The following NELFA variants were observed in gnomAD, a reference collection of about 807,000 sequenced individuals.
NELFA encodes negative elongation factor A.
NELFA carries 35 observed loss-of-function variants against 51.8 expected under a neutral mutation model. That is an observed-to-expected ratio of 0.68 (90% CI 0.52 to 0.90). The LOEUF is 0.90. NELFA is among the 40% of genes least tolerant of loss of function. The pLI, the probability that NELFA is intolerant of heterozygous loss-of-function variation, is 0.00. For missense variants in NELFA, 658 were observed against 746.4 expected (o/e 0.88, Z 1.38); for synonymous variants, 417 against 338.4 (o/e 1.23, Z -2.55).
intron 1 of NELFA, chr4:1,992,132 C>T (rs1577619842): frequency 9.0e-6 from 2 of 221,100 alleles, no homozygotes; most frequent in Non-Finnish European, 1.8e-5. Flanking sequence ...CACAGCAGAG[C>T]GCAGGAGCAG....
At chr4:1,983,773 C>T in intron 9 of NELFA, 75 bp downstream of exon 9, 8 of 1,595,534 alleles carry the variant, frequency 5.0e-6, no homozygotes, top group Non-Finnish European at 6.8e-6. Flanking sequence ...CACCGTGGCA[C>T]CCCCACGCTA....
Position 1,984,871 on chromosome 4 carries a change from G to T in NELFA, c.973C>A (p.Leu325Ile). ...GGAACCACGCTGGGCGTGGAGGGAA[G>T]GTAGCTCGTGGAGGGCAGCGCAGGC... ...NEPALPSTSY[L>I]PSTPSVVPAS... Residue 325 changes from leucine to isoleucine, a missense_variant, in exon 8 of 11, where the codon CTT becomes ATT. By Grantham distance (5) the Leu-to-Ile change is conservative. Around this residue, in one of 3 missense-constraint regions of NELFA, gnomAD observed 200 missense variants for 167.9 expected, o/e 1.19. Transcript: ENST00000382882. The T allele has an allele frequency of 6.3e-7, 1 of 1,581,296 alleles. No homozygotes were observed. Among genetic ancestry groups the T allele is most frequent in the Non-Finnish European group, 8.6e-7 (1 of 1,162,940 alleles).
chr4:1,994,125 T>A (rs1334178307), intron 1 of NELFA, among the ~76,000 whole-genome samples: 1 of 152,028 alleles, frequency 6.6e-6, no homozygotes, highest in Non-Finnish European at 1.5e-5. Flanking sequence ...TAGGGCCGGG[T>A]ATAGTGGCTC....
intron 4 of NELFA, chr4:1,987,578 C>T: frequency 3.8e-6 from 1 of 262,748 alleles, no homozygotes. Context: ...CCACCGGTGC[C>T]AACAGCAGAG....
At position 1,986,813 on chromosome 4, in the gene NELFA, AC is replaced by A. The variant is rs1728118227; in HGVS notation, c.635-412del. On this transcript the variant is annotated intron_variant, in intron 4 of 10. Coordinates refer to ENST00000382882, the MANE Select transcript of NELFA (RefSeq NM_005663.5). ...ACTCCTGAGGCCTACCTACGCTGTT[AC>A]CCACCAGCGCCCACACGCACCCTCC... Among the ~76,000 whole-genome samples, 3 of 152,136 alleles carry A rather than the reference AC, an allele frequency of 2.0e-5. No individual in the cohort carries two copies. The South Asian group carries it at 6.2e-4, about 32-fold the overall frequency.
At chr4:1,990,292 C>A in intron 2 of NELFA, 1 of 420,226 alleles carries the variant, frequency 2.4e-6, no homozygotes. Context: ...TCTCCTGGAA[C>A]CCTGGCCCTC....
intron 1 of NELFA, chr4:2,007,221 C>A: frequency 3.0e-6 from 1 of 333,216 alleles, no homozygotes; most frequent in Non-Finnish European, 6.4e-6. Context: ...AAAACACAAA[C>A]ACAAAAACAA....
chr4:1,984,576 G>A (rs1728021831), intron 8 of NELFA, among the ~76,000 whole-genome samples: 1 of 152,230 alleles, frequency 6.6e-6, no homozygotes, highest in Non-Finnish European at 1.5e-5. Context: ...CGTGTCCCCT[G>A]GGGCCGCTGC....
chr4:1,987,998 G>A lies in NELFA; in HGVS notation c.554C>T (p.Thr185Ile), dbSNP rs1002923440. 2 of 1,610,358 alleles carry A rather than the reference G, an allele frequency of 1.2e-6. No homozygotes were observed. Among genetic ancestry groups the A allele is most frequent in the Non-Finnish European group, 1.7e-6 (2 of 1,179,684 alleles). Reference protein sequence around the residue: ...RAELLQKSTETAQQLKRSAGV... With the variant: ...RAELLQKSTEIAQQLKRSAGV... Reference sequence around the variant, plus strand: ...GGCGCTCCGCTTCAACTGCTGGGCGGTCTCCGTGGCTGGAAGGAAGAGGTC... The same window carrying A: ...GGCGCTCCGCTTCAACTGCTGGGCGATCTCCGTGGCTGGAAGGAAGAGGTC... The change falls in exon 4 of 11, where the codon ACC becomes ATC. Residue 185 changes from threonine to isoleucine, a missense_variant. Coordinates refer to ENST00000382882, the MANE Select transcript of NELFA (RefSeq NM_005663.5).
chr4:2,008,759 CGTGCGGCGCGGGAG>C lies in NELFA; in HGVS notation c.187_200del (p.Leu63GlyfsTer40). 1 of 1,609,286 alleles carries C rather than the reference CGTGCGGCGCGGGAG, an allele frequency of 6.2e-7. No individual in the cohort carries two copies. The highest frequency in any genetic ancestry group is 1.1e-5 in the South Asian group (1 of 90,150). ...GCCACGCCTGCCTTACCTCGTCCACCGTGCGGCGCGGGAGGTGCAGCGTCCCGAGTAGCAACTTG... is the reference window on the plus strand; with the variant it reads ...GCCACGCCTGCCTTACCTCGTCCACCGTGCAGCGTCCCGAGTAGCAACTTG... On this transcript the variant is annotated frameshift_variant, in exon 1 of 11. Coordinates refer to ENST00000382882, the MANE Select transcript of NELFA (RefSeq NM_005663.5). LOFTEE classifies it high-confidence loss of function.
intron 1 of NELFA, among the ~76,000 whole-genome samples, chr4:1,994,634 T>C (rs1010427200): frequency 2.7e-5 from 4 of 150,726 alleles, no homozygotes; most frequent in Non-Finnish European, 4.4e-5. Context: ...GGTGGGCGGA[T>C]CACAAGGTCA....
In NELFA at chr4:1,985,839, G is replaced by A. The variant is rs1250814326; in HGVS notation, c.861C>T (p.Ala287=). The change falls in exon 7 of 11, where the codon GCC becomes GCT. Residue 287 remains alanine, a synonymous_variant. Transcript: ENST00000382882. ...TLDAEVVEKP[A]KEETVVENAT... ...CGTTCTCCACCACCGTTTCCTCCTTGGCCGGCTTCTCCACCACCTCCGCAT... is the reference window on the plus strand; with the variant it reads ...CGTTCTCCACCACCGTTTCCTCCTTAGCCGGCTTCTCCACCACCTCCGCAT... 6.2e-7 allele frequency: 1 copy of A among 1,613,262 alleles called. No individual in the cohort carries two copies.
intron 1 of NELFA, among the ~76,000 whole-genome samples, chr4:2,003,659 A>G (rs753491255): frequency 3.1e-4 from 47 of 152,184 alleles, no homozygotes; most frequent in Non-Finnish European, 5.4e-4. Flanking sequence ...GTTCTCACTC[A>G]TAAGTGGCAG....
rs1170757157 is a variant in NELFA at position 1,989,116 on chromosome 4, T to C, written c.544+592A>G. On this transcript the variant is annotated intron_variant, in intron 3 of 10. Transcript: ENST00000382882. This position sits in a 1 kb window ranked among gnomAD's most constrained non-coding sequence, Gnocchi z 4.8. Reference sequence around the variant, plus strand: ...ATGCACCACCACAGCCAGCTAATTTTTGTATTTTTAGTAGAGACGGGGTTT... The same window carrying C: ...ATGCACCACCACAGCCAGCTAATTTCTGTATTTTTAGTAGAGACGGGGTTT... Among the ~76,000 whole-genome samples the C allele has an allele frequency of 2.6e-5, 4 of 152,044 alleles. No individual in the cohort carries two copies. Among genetic ancestry groups the C allele is most frequent in the Non-Finnish European group, 5.9e-5 (4 of 68,018 alleles).
Position 1,983,902 on chromosome 4 carries a change from G to A in NELFA, c.1248C>T (p.Ala416=). 3.1e-6 allele frequency: 5 copies of A among 1,602,768 alleles called. No individual in the cohort carries two copies. Among genetic ancestry groups the A allele is most frequent in the Non-Finnish European group, 4.3e-6 (5 of 1,174,308 alleles). ...TTQTPPVAMV[A]PQTQAPAQQQ... ...GCTGAGCAGGGGCCTGGGTCTGCGG[G>A]GCCACCATGGCAACCGGGGGTGTCT... The change falls in exon 9 of 11, where the codon GCC becomes GCT. Residue 416 remains alanine (A), a synonymous_variant. Coordinates refer to ENST00000382882, the MANE Select transcript of NELFA (RefSeq NM_005663.5).
intron 1 of NELFA, among the ~76,000 whole-genome samples, chr4:2,002,142 A>C (rs537431268): frequency 6.9e-6 from 1 of 145,970 alleles, no homozygotes; most frequent in Non-Finnish European, 1.5e-5. Context: ...GGAGCTTGCA[A>C]TGAGCCAAGA....
At chr4:1,988,045 A>T in intron 3 of NELFA, 38 bp from the exon 4 acceptor site, 1 of 1,563,414 alleles carries the variant, frequency 6.4e-7, no homozygotes, top group Non-Finnish European at 8.7e-7. Context: ...GGATCCTCAG[A>T]GCGAGAGCCC....
At chr4:1,987,869 T>C in intron 4 of NELFA, 49 bp downstream of exon 4, 4 of 1,500,450 alleles carry the variant, frequency 2.7e-6, no homozygotes, top group African/African-American at 2.7e-5. Context: ...GTGAAGCCCT[T>C]AGCTCTGCCC....
In NELFA at chr4:1,989,938, G is replaced by A. The variant is rs1465555864; in HGVS notation, c.383-69C>T. 1.3e-5 allele frequency: 20 copies of A among 1,557,284 alleles called. No homozygotes were observed. In the Admixed American group the frequency reaches 1.7e-4, roughly 13 times the overall value. On this transcript the variant is annotated intron_variant, in intron 2 of 10. Transcript: ENST00000382882. This position sits in a 1 kb window ranked among gnomAD's most constrained non-coding sequence, Gnocchi z 4.8. ...GACCTCCCGGCTGAGAGGAGCTGGCGGCTGCCCAGCCCCACACCCTCCTCA... is the reference window on the plus strand; with the variant it reads ...GACCTCCCGGCTGAGAGGAGCTGGCAGCTGCCCAGCCCCACACCCTCCTCA...
Sources: allele counts gnomAD v4.1 joint callset (sites outside exome capture counted in the v4.1 genomes callset), GRCh38; gene constraint gnomAD v4.1.1; regional missense constraint gnomAD v4.1.1; non-coding constraint Gnocchi (gnomAD v3.1); transcripts MANE v1.5; gene names NCBI Gene and HGNC (gene_info 2026-07-23, HGNC 2026-07-21).